FGFR2: variants seen among roughly 807,000 people sequenced by gnomAD.
FGFR2 encodes BEK fibroblast growth factor receptor.
Under a neutral mutation model 95.9 loss-of-function variants are expected in FGFR2, and 19 were observed. That is an observed-to-expected ratio of 0.20 (90% confidence interval 0.14 to 0.29). FGFR2 has a LOEUF of 0.29. Ranked by LOEUF, FGFR2 falls within the 10% of genes least tolerant of loss-of-function variation. The probability of loss-of-function intolerance (pLI) is 1.00; values close to 1 mark genes in which losing one functional copy is unlikely to be tolerated. For synonymous variants in FGFR2, 392 were observed against 393.3 expected (o/e 1.00, Z 0.04); for missense variants, 707 against 1,056.9 (o/e 0.67, Z 4.59).
intron 4 of FGFR2, among the ~76,000 whole-genome samples, chr10:121,562,006 C>T (rs987350706): frequency 2.4e-4 from 36 of 152,304 alleles, no homozygotes; most frequent in African/African-American, 8.7e-4. Context: ...ACACACCTAT[C>T]AGAATGGCCA....
rs765814642 is a variant in FGFR2, at chr10:121,520,114, T to C, written c.804A>G (p.Thr268=). ...LQAGLPANAS[T]VVGGDVEFVC... ...CAAACTCTACGTCTCCTCCGACCACTGTGGAGGCATTTGCCGGCAGTCCGG... is the reference window on the plus strand; with the variant it reads ...CAAACTCTACGTCTCCTCCGACCACCGTGGAGGCATTTGCCGGCAGTCCGG... The change falls in exon 7 of 18, where the codon ACA becomes ACG. Residue 268 remains threonine, a synonymous_variant. Transcript: ENST00000358487. 8 of 1,613,930 alleles carry C rather than the reference T, an allele frequency of 5.0e-6. No homozygotes were observed. The highest frequency in any genetic ancestry group is 2.7e-5 in the African/African-American group (2 of 74,922).
chr10:121,571,048 G>A (rs1858594220), intron 2 of FGFR2, among the ~76,000 whole-genome samples: 2 of 151,922 alleles, frequency 1.3e-5, no homozygotes, highest in Admixed American at 1.3e-4. Flanking sequence ...GAGTGCAGTG[G>A]CGCGATCTTG....
intron 2 of FGFR2, among the ~76,000 whole-genome samples, chr10:121,590,214 A>G (rs906914993): frequency 1.3e-5 from 2 of 152,178 alleles, no homozygotes; most frequent in African/African-American, 4.8e-5. Flanking sequence ...AAAGTAATTA[A>G]GGGTGTAGGG....
At chr10:121,560,800 C>A (rs1856849050) in intron 4 of FGFR2, among the ~76,000 whole-genome samples, 1 of 152,070 alleles carries the variant, frequency 6.6e-6, no homozygotes, top group Non-Finnish European at 1.5e-5. Flanking sequence ...CCATTCAGGG[C>A]AGACCTCCAC....
chr10:121,535,686 A>G (rs1209847605), intron 6 of FGFR2, among the ~76,000 whole-genome samples: 1 of 152,186 alleles, frequency 6.6e-6, no homozygotes. Context: ...GTGGAGCATC[A>G]CACTAATTTT....
At position 121,517,660 on chromosome 10, in the gene FGFR2, C is replaced by T. The variant is rs534847314; in HGVS notation, c.940-197G>A. Among the ~76,000 whole-genome samples the T allele has an allele frequency of 6.6e-6, 1 of 152,140 alleles. No homozygotes were observed. Among genetic ancestry groups the T allele is most frequent in the South Asian group, 2.1e-4 (1 of 4,796 alleles). ...GACCAGCTCACCTCCACAGGCCCGT[C>T]ACCACACCGGCTTCACCTCCTACAC... is the stretch of plus-strand genomic sequence containing the variant. On this transcript the variant is annotated intron_variant, in intron 7 of 17. Coordinates refer to ENST00000358487, the MANE Select transcript of FGFR2 (RefSeq NM_000141.5). The surrounding 1 kb of genome is among the most constrained non-coding windows in gnomAD (Gnocchi z 4.7).
chr10:121,562,630 T>C (rs974312043), intron 4 of FGFR2, among the ~76,000 whole-genome samples: 4 of 152,000 alleles, frequency 2.6e-5, no homozygotes, highest in South Asian at 2.1e-4. Context: ...CTTTGATACA[T>C]ACAAACAATG....
chr10:121,589,422 C>A (rs1862299028), intron 2 of FGFR2, among the ~76,000 whole-genome samples: 1 of 152,180 alleles, frequency 6.6e-6, no homozygotes, highest in Admixed American at 6.5e-5. Flanking sequence ...AAAAACATCT[C>A]ATATTGGATT....
chr10:121,540,658 T>G (rs1447345602), intron 5 of FGFR2, among the ~76,000 whole-genome samples: 1 of 152,166 alleles, frequency 6.6e-6, no homozygotes, highest in Admixed American at 6.6e-5. Flanking sequence ...TCTCTTTGCC[T>G]ACGGGGAACC....
At chr10:121,504,927 T>G (rs1324522433) in intron 9 of FGFR2, among the ~76,000 whole-genome samples, 6 of 152,196 alleles carry the variant, frequency 3.9e-5, no homozygotes, top group Admixed American at 3.9e-4. Context: ...ACTGTCTTAT[T>G]CTAAACCATG....
intron 5 of FGFR2, among the ~76,000 whole-genome samples, chr10:121,540,051 G>A (rs1012181559): frequency 1.3e-5 from 2 of 152,214 alleles, no homozygotes; most frequent in Non-Finnish European, 2.9e-5. Flanking sequence ...GTTCTAAAAC[G>A]AGGTCGCTGC....
chr10:121,525,624 GGAGAGAGA>G (rs3035990), intron 6 of FGFR2, among the ~76,000 whole-genome samples: 3 of 149,346 alleles, frequency 2.0e-5, no homozygotes, highest in African/African-American at 7.4e-5. Flanking sequence ...CATTATTGAG[GGAGAGAGA>G]GAGAGAGAGA....
chr10:121,586,853 G>A (rs967696322), intron 2 of FGFR2, among the ~76,000 whole-genome samples: 2 of 152,160 alleles, frequency 1.3e-5, no homozygotes, highest in Admixed American at 1.3e-4. Flanking sequence ...ACATCTTCAA[G>A]ACGTGAAGGA....
rs1847767011 is a variant in FGFR2 at position 121,502,790 on chromosome 10, TGAC to T, written c.1439+997_1439+999del. Among the ~76,000 whole-genome samples, 5 of 152,290 alleles carry T rather than the reference TGAC, an allele frequency of 3.3e-5. No homozygotes were observed. In the South Asian group the frequency reaches 6.2e-4, roughly 19 times the overall value. On this transcript the variant is annotated intron_variant, in intron 10 of 17. Coordinates refer to ENST00000358487, the MANE Select transcript of FGFR2 (RefSeq NM_000141.5). ...TCCACCTTCCCGTACTCTCAAGCTG[TGAC>T]GACAAAAAGTACCCCAGAAGTGAGT...
At chr10:121,555,162 C>T (rs1445110798) in intron 4 of FGFR2, among the ~76,000 whole-genome samples, 1 of 152,138 alleles carries the variant, frequency 6.6e-6, no homozygotes, top group African/African-American at 2.4e-5. Context: ...CACCTGAGGT[C>T]AGGAGTCCGA....
chr10:121,593,625 G>A, intron 2 of FGFR2, 84 bp downstream of exon 2: 2 of 1,180,840 alleles, frequency 1.7e-6, no homozygotes, highest in Non-Finnish European at 2.5e-6. Flanking sequence ...CAATGCAAGG[G>A]TAGCTGATTC....
intron 9 of FGFR2, among the ~76,000 whole-genome samples, chr10:121,508,112 C>G (rs1338667401): frequency 6.6e-6 from 1 of 152,182 alleles, no homozygotes; most frequent in Admixed American, 6.5e-5. Flanking sequence ...TCTTGGGCAT[C>G]CACAGATTTT....
Position 121,504,033 on chromosome 10 carries a change from A to T in FGFR2, c.1288-92T>A, listed in dbSNP as rs1847954755. On this transcript the variant is annotated intron_variant, in intron 9 of 17. Transcript: ENST00000358487. ...GAGCCCAGCCAGAGTATCGAATCTT[A>T]GAAAGGAATGGGTTGGGGGCTGGCA... 6 of 1,486,296 alleles carry T rather than the reference A, an allele frequency of 4.0e-6. 1 individual carries two copies. The South Asian group carries it at 7.1e-5, about 18-fold the overall frequency. The allele number at this position is 1,486,296 out of a possible 1,614,324, so 92.1% of individuals were successfully genotyped here.
chr10:121,555,344 G>A (rs957667280), intron 4 of FGFR2, among the ~76,000 whole-genome samples: 1 of 151,404 alleles, frequency 6.6e-6, no homozygotes, highest in Non-Finnish European at 1.5e-5. Context: ...TTGCACTCCA[G>A]CCTGGGCGAC....
Sources: allele counts gnomAD v4.1 joint callset (sites outside exome capture counted in the v4.1 genomes callset), GRCh38; gene constraint gnomAD v4.1.1; non-coding constraint Gnocchi (gnomAD v3.1); transcripts MANE v1.5; gene names NCBI Gene and HGNC (gene_info 2026-07-23, HGNC 2026-07-21).